POLR1C: variants seen among roughly 807,000 people sequenced by gnomAD.
The protein encoded by POLR1C is DNA-directed RNA polymerases I and III subunit RPAC1.
A neutral mutation model predicts 38.3 loss-of-function variants in POLR1C; 42 were observed. The ratio of observed to expected loss-of-function variants is 1.10; its 90% CI spans 0.86 to 1.42. The LOEUF is 1.42. POLR1C is among the 40% of genes most tolerant of loss of function. The pLI is 0.00. For synonymous variants in POLR1C, 163 were observed against 163.9 expected (o/e 0.99, Z 0.04); for missense variants, 507 against 450.5 (o/e 1.13, Z -1.14).
chr6:43,525,709 T>C, downstream of POLR1C: 1 of 999,164 alleles, frequency 1.0e-6, no homozygotes, highest in Non-Finnish European at 1.4e-6. Flanking sequence ...TCTGGGGCCT[T>C]TGGAACCAGG....
intron 9 of POLR1C, among the ~76,000 whole-genome samples, chr6:43,535,117 CCT>C (rs1278348652): frequency 6.6e-6 from 1 of 150,460 alleles, no homozygotes; most frequent in Non-Finnish European, 1.5e-5. Flanking sequence ...ACAGTGAAAC[CCT>C]GTCTCTACTA....
intron 10 of POLR1C, chr6:43,561,264 A>G (rs1762400232): frequency 5.0e-6 from 2 of 401,628 alleles, no homozygotes; most frequent in African/African-American, 2.0e-5. Context: ...CAGTAAAATA[A>G]AAAACACTCA....
chr6:43,525,995 C>CA (rs771974030), downstream of POLR1C: 31 of 1,546,104 alleles, frequency 2.0e-5, no homozygotes, highest in South Asian at 5.8e-5. Flanking sequence ...GACAGAAGCG[C>CA]AAAAAACAAA....
chr6:43,525,074 T>C, downstream of POLR1C: 3 of 1,571,404 alleles, frequency 1.9e-6, no homozygotes, highest in Non-Finnish European at 2.6e-6. Flanking sequence ...AAACCTTCCA[T>C]GAGGGGCAGG....
intron 2 of POLR1C, 53 bp downstream of exon 2, chr6:43,517,430 T>C: frequency 6.8e-7 from 1 of 1,474,834 alleles, no homozygotes; most frequent in Non-Finnish European, 9.5e-7. Flanking sequence ...GACCTTGTGG[T>C]CTGAGCAGCC....
chr6:43,536,457 T>C (rs2127714265), intron 9 of POLR1C, among the ~76,000 whole-genome samples: 1 of 149,686 alleles, frequency 6.7e-6, no homozygotes, highest in South Asian at 2.1e-4. Context: ...GCTGTAAATA[T>C]GGTCTAGAAG....
chr6:43,558,445 A>G, intron 10 of POLR1C: 3 of 1,456,018 alleles, frequency 2.1e-6, no homozygotes, highest in Non-Finnish European at 2.8e-6. Flanking sequence ...CATGATTCAT[A>G]ATACTAGATG....
downstream of POLR1C, chr6:43,524,027 G>C (rs777701567): frequency 9.3e-6 from 15 of 1,607,734 alleles, no homozygotes; most frequent in Non-Finnish European, 1.2e-5. Flanking sequence ...AAATGAGAAA[G>C]AATTAATGCT....
At chr6:43,559,757 A>G (rs1211584735) in intron 10 of POLR1C, among the ~76,000 whole-genome samples, 1 of 152,220 alleles carries the variant, frequency 6.6e-6, no homozygotes, top group African/African-American at 2.4e-5. Flanking sequence ...GAATAAGAAA[A>G]TATGTCCAGT....
chr6:43,558,427 C>T (rs766901725), intron 10 of POLR1C: 15 of 1,348,466 alleles, frequency 1.1e-5, no homozygotes, highest in Non-Finnish European at 1.5e-5. Flanking sequence ...ACCCCAAACA[C>T]CATGCACCAT....
intron 9 of POLR1C, chr6:43,546,548 G>C (rs777478351): frequency 1.3e-6 from 2 of 1,586,836 alleles, no homozygotes; most frequent in South Asian, 2.3e-5. Context: ...AAACAACAGA[G>C]AAAAGCCATT....
At chr6:43,531,002 G>A (rs1190144376), downstream of POLR1C, among the ~76,000 whole-genome samples, 3 of 152,196 alleles carry the variant, frequency 2.0e-5, no homozygotes, top group Non-Finnish European at 2.9e-5. Flanking sequence ...GTTGGTGGCC[G>A]AGATCAGCAG....
intron 9 of POLR1C, among the ~76,000 whole-genome samples, chr6:43,541,775 A>G (rs1404130362): frequency 6.6e-6 from 1 of 152,102 alleles, no homozygotes; most frequent in Non-Finnish European, 1.5e-5. Flanking sequence ...TAGTAATCCA[A>G]TACTTCTTTT....
chr6:43,538,788 G>C, intron 9 of POLR1C: 4 of 707,862 alleles, frequency 5.7e-6, no homozygotes, highest in South Asian at 2.7e-5. Flanking sequence ...TTTTTCCCAC[G>C]CTTAATTCAC....
At chr6:43,527,666 C>G in intron 8 of POLR1C, 1 of 1,613,976 alleles carries the variant, frequency 6.2e-7, no homozygotes, top group Non-Finnish European at 8.5e-7. Context: ...GGTTAACATC[C>G]TCACCAGTTG....
chr6:43,560,794 A>T (rs563752439), intron 10 of POLR1C: 1 of 761,678 alleles, frequency 1.3e-6, no homozygotes, highest in South Asian at 1.7e-5. Flanking sequence ...TAATGAAATG[A>T]CACTACGGTC....
chr6:43,545,621 C>T (rs565492197), intron 9 of POLR1C, among the ~76,000 whole-genome samples: 32 of 152,152 alleles, frequency 2.1e-4, no homozygotes, highest in Admixed American at 9.8e-4. Context: ...GCAGAAGAAT[C>T]GCTTAAGCCT....
intron 10 of POLR1C, chr6:43,561,026 A>G (rs751571834): frequency 3.1e-6 from 5 of 1,592,112 alleles, no homozygotes; most frequent in Non-Finnish European, 4.3e-6. Flanking sequence ...GAAGACCACT[A>G]TATTAACGGT....
chr6:43,520,210 A>G (rs752745376), intron 5 of POLR1C, 25 bp downstream of exon 5: 2 of 1,614,150 alleles, frequency 1.2e-6, no homozygotes, highest in Non-Finnish European at 1.7e-6. Flanking sequence ...GGTGAGGAAG[A>G]GGCCCCACCT....
Sources: allele counts gnomAD v4.1 joint callset (sites outside exome capture counted in the v4.1 genomes callset), GRCh38; gene constraint gnomAD v4.1.1; transcripts MANE v1.5; gene names NCBI Gene and HGNC (gene_info 2026-07-23, HGNC 2026-07-21).